The following NTRK3 variants were observed in gnomAD, a reference collection of about 807,000 sequenced individuals.
The protein encoded by NTRK3 is NT-3 growth factor receptor.
Under a neutral mutation model 91.7 loss-of-function variants are expected in NTRK3, and 24 were observed. The ratio of observed to expected loss-of-function variants is 0.26; its 90% CI spans 0.19 to 0.37. The LOEUF (loss-of-function observed/expected upper bound fraction) is 0.37. Among genes scored for constraint, NTRK3 ranks in the 10% least tolerant of loss-of-function variants. NTRK3 has a pLI of 1.00. For synonymous variants in NTRK3, 483 were observed against 404.0 expected (o/e 1.20, Z -2.34); for missense variants, 880 against 1,068.9 (o/e 0.82, Z 2.46).
At chr15:87,898,693 C>T (rs2141627870) in intron 17 of NTRK3, among the ~76,000 whole-genome samples, 1 of 151,986 alleles carries the variant, frequency 6.6e-6, no homozygotes, top group African/African-American at 2.4e-5. Flanking sequence ...ATCCTTGAAT[C>T]AGGGATTCTA....
chr15:88,033,210 A>ATATATATATATATATATATATG (rs1301860999), intron 13 of NTRK3, among the ~76,000 whole-genome samples, 165 bp from the exon 14 acceptor site: 8 of 121,304 alleles, frequency 6.6e-5, no homozygotes, highest in African/African-American at 2.8e-4. Context: ...ATATATATAT[A>ATATATATATATATATATATATG]TATATAAATT....
At chr15:88,016,206 A>G (rs1251814522) in intron 14 of NTRK3, among the ~76,000 whole-genome samples, 1 of 152,160 alleles carries the variant, frequency 6.6e-6, no homozygotes, top group Non-Finnish European at 1.5e-5. Context: ...TTGAAACCAG[A>G]AACAAATGTT....
chr15:88,126,242 C>A (rs770906051), intron 13 of NTRK3, 29 bp downstream of exon 13: 1 of 1,459,818 alleles, frequency 6.9e-7, no homozygotes, highest in Non-Finnish European at 9.6e-7. Flanking sequence ...CCCCCCATGA[C>A]GCCCTTGAAA....
chr15:88,093,343 T>G (rs2049220860), intron 13 of NTRK3, among the ~76,000 whole-genome samples: 1 of 152,290 alleles, frequency 6.6e-6, no homozygotes, highest in Admixed American at 6.5e-5. Flanking sequence ...GATATTCTCC[T>G]ATAACCACCA....
At chr15:88,095,025 C>G (rs147122698) in intron 13 of NTRK3, among the ~76,000 whole-genome samples, 11 of 152,358 alleles carry the variant, frequency 7.2e-5, no homozygotes, top group African/African-American at 2.6e-4. Context: ...TACCTGGGAG[C>G]TGTGGCTATG....
intron 13 of NTRK3, among the ~76,000 whole-genome samples, chr15:88,071,007 G>A (rs1450857774): frequency 6.6e-6 from 1 of 152,206 alleles, no homozygotes; most frequent in East Asian, 1.9e-4. Flanking sequence ...ATCAGCCTGG[G>A]CCTGGAATGA....
rs139937859 is a variant in NTRK3, at chr15:88,123,130, T to C, written c.1396+3141A>G. Among the ~76,000 whole-genome samples, 20 of 152,316 alleles carry C rather than the reference T, an allele frequency of 1.3e-4. No homozygotes were observed. In the East Asian group the frequency reaches 3.7e-3, roughly 28 times the overall value. ...GCAATAAAAGGAACCTATGAAGGTT[T>C]ATACATAAAGAAAAGAAGGGAGAAA... On this transcript the variant is annotated intron_variant, in intron 13 of 18. Transcript: ENST00000394480.
chr15:87,940,795 C>T (rs1221978154), intron 14 of NTRK3, 42 bp from the exon 15 acceptor site: 17 of 1,613,606 alleles, frequency 1.1e-5, no homozygotes, highest in Admixed American at 6.7e-5. Flanking sequence ...AATCAGTCCT[C>T]GTTTGGTGAC....
At chr15:88,182,956 C>T (rs1037098078) in intron 5 of NTRK3, among the ~76,000 whole-genome samples, 3 of 152,140 alleles carry the variant, frequency 2.0e-5, no homozygotes, top group Non-Finnish European at 2.9e-5. Context: ...CCCCACTGAA[C>T]CCAGATCTAT....
chr15:87,978,177 C>T (rs1395510261), intron 14 of NTRK3: 1 of 230,330 alleles, frequency 4.3e-6, no homozygotes, highest in Admixed American at 5.7e-5. Flanking sequence ...GGAAAGTCAC[C>T]CCCTTCCCTC....
chr15:88,159,213 CTA>C (rs61496498), intron 5 of NTRK3, among the ~76,000 whole-genome samples: 186 of 152,326 alleles, frequency 1.2e-3, no homozygotes, highest in African/African-American at 4.3e-3. Context: ...AAAGGAAAAT[CTA>C]TGACTCTCTT....
intron 13 of NTRK3, among the ~76,000 whole-genome samples, chr15:88,119,900 C>T (rs1248105042): frequency 6.6e-6 from 1 of 152,238 alleles, no homozygotes; most frequent in Non-Finnish European, 1.5e-5. Context: ...TCCCAGCCCC[C>T]TTTCAGTCAC....
chr15:88,051,125 C>T (rs1053463424), intron 13 of NTRK3, among the ~76,000 whole-genome samples: 17 of 152,302 alleles, frequency 1.1e-4, no homozygotes, highest in Admixed American at 8.5e-4. Flanking sequence ...TAAAAGTACA[C>T]GTCTGCTGTT....
intron 5 of NTRK3, among the ~76,000 whole-genome samples, chr15:88,149,686 G>T (rs941954704): frequency 6.6e-6 from 1 of 152,218 alleles, no homozygotes; most frequent in Non-Finnish European, 1.5e-5. Context: ...CCATGCAGCA[G>T]CCCAGCTCCT....
intron 17 of NTRK3, among the ~76,000 whole-genome samples, chr15:87,881,501 G>T (rs1416500557): frequency 1.3e-5 from 2 of 151,248 alleles, no homozygotes; most frequent in Admixed American, 1.3e-4. Flanking sequence ...CTTACTGCCA[G>T]CTCCACCTCC....
At chr15:88,229,209 T>G (rs572918574) in intron 3 of NTRK3, among the ~76,000 whole-genome samples, 1 of 152,366 alleles carries the variant, frequency 6.6e-6, no homozygotes, top group East Asian at 1.9e-4. Context: ...AACGCAAGCC[T>G]GTCTGATTAC....
exon 19 of NTRK3, chr15:87,859,920 T>A (rs921253137): frequency 3.2e-5 from 6 of 185,364 alleles, no homozygotes; most frequent in Non-Finnish European, 6.9e-5. Context: ...CAACTCTCAC[T>A]TATGATATAT....
At chr15:87,906,081 A>G (rs2066747424) in intron 17 of NTRK3, among the ~76,000 whole-genome samples, 2 of 152,216 alleles carry the variant, frequency 1.3e-5, no homozygotes, top group Admixed American at 6.5e-5. Flanking sequence ...GCCAACTGGT[A>G]TCTGTGGAAA....
At chr15:88,147,245 G>T in intron 6 of NTRK3, 90 bp downstream of exon 6, 2 of 1,206,942 alleles carry the variant, frequency 1.7e-6, no homozygotes, top group East Asian at 2.4e-5. Flanking sequence ...TGTATGCTCA[G>T]CCTTCAGGTG....
Sources: gnomAD v4.1 joint callset for allele counts (sites outside exome capture counted in the v4.1 genomes callset) on GRCh38, gnomAD v4.1.1 for gene constraint, MANE v1.5 for transcripts, NCBI Gene and HGNC (gene_info 2026-07-23, HGNC 2026-07-21) for gene names.